Variants in PMFBP1 observed in about 807,000 individuals in gnomAD.
PMFBP1 encodes the protein polyamine modulated factor 1 binding protein 1, also known as polyamine-modulated factor 1-binding protein 1.
Under a neutral mutation model 137.8 loss-of-function variants are expected in PMFBP1, and 131 were observed. The ratio of observed to expected loss-of-function variants is 0.95; its 90% CI spans 0.82 to 1.10. PMFBP1 has a LOEUF of 1.10. Ranked by LOEUF, PMFBP1 falls within the 50% of genes least tolerant of loss-of-function variation. The probability of loss-of-function intolerance (pLI) is 0.00; values close to 1 mark genes in which losing one functional copy is unlikely to be tolerated. For synonymous variants in PMFBP1, 490 were observed against 450.4 expected, an observed-to-expected ratio of 1.09 and a Z score of -1.11; for missense variants, 1,199 against 1,175.4, an observed-to-expected ratio of 1.02 and a Z score of -0.29.
chr16:72,170,203 C>T (rs1440117059), intron 2 of PMFBP1, among the ~76,000 whole-genome samples: 2 of 151,010 alleles, frequency 1.3e-5, no homozygotes, highest in African/African-American at 4.9e-5. Context: ...GAAGAAAGAG[C>T]CTTCTAGAAA....
the PMFBP1 span, among the ~76,000 whole-genome samples, chr16:72,217,458 TG>T: frequency 5.3e-5 from 8 of 152,204 alleles, no homozygotes; most frequent in African/African-American, 1.9e-4. Flanking sequence ...TTTCAAACAC[TG>T]TAAGGATACT....
intron 7 of PMFBP1, among the ~76,000 whole-genome samples, chr16:72,137,590 T>A (rs983222248): frequency 6.6e-6 from 1 of 151,942 alleles, no homozygotes; most frequent in Non-Finnish European, 1.5e-5. Context: ...GGTGGGAACA[T>A]GGAGGAGGCA....
At chr16:72,186,593 A>C in the PMFBP1 span, among the ~76,000 whole-genome samples, 1 of 152,136 alleles carries the variant, frequency 6.6e-6, no homozygotes, top group Admixed American at 6.5e-5. Context: ...CTTCGTGTAC[A>C]TTAGCCTGAC....
the PMFBP1 span, among the ~76,000 whole-genome samples, chr16:72,246,948 C>G: frequency 6.6e-6 from 1 of 151,870 alleles, no homozygotes; most frequent in East Asian, 1.9e-4. Flanking sequence ...TGTTTGATAC[C>G]CTCCTACTGT....
At chr16:72,144,126 T>C (rs1297784492) in intron 5 of PMFBP1, among the ~76,000 whole-genome samples, 1 of 151,678 alleles carries the variant, frequency 6.6e-6, no homozygotes, top group Non-Finnish European at 1.5e-5. Flanking sequence ...GGAATAAACA[T>C]AGCAAGAAAT....
At chr16:72,199,108 C>T in the PMFBP1 span, among the ~76,000 whole-genome samples, 1 of 152,176 alleles carries the variant, frequency 6.6e-6, no homozygotes, top group Non-Finnish European at 1.5e-5. Flanking sequence ...GCATGCTTCC[C>T]GGGCTTAGCC....
chr16:72,118,766 G>T (rs112121953), downstream of PMFBP1, among the ~76,000 whole-genome samples: 1 of 147,080 alleles, frequency 6.8e-6, no homozygotes, highest in African/African-American at 2.5e-5. Context: ...TGGTGGGCGG[G>T]GGGGCAGGTG....
At position 72,128,684 on chromosome 16, in the gene PMFBP1, C is replaced by G. The variant is rs921369945; in HGVS notation, c.2061G>C (p.Gln687His). The G allele has an allele frequency of 6.2e-7, 1 of 1,614,178 alleles. No individual in the cohort carries two copies. Among genetic ancestry groups the G allele is most frequent in the African/African-American group, 1.3e-5 (1 of 75,040 alleles). ...ESSLNKYNTS[Q>H]QVIQDLNKEI... ...CTTTATTCAAGTCTTGGATGACTTG[C>G]TGGCTGGTGTTGTATTTGTTGAGAG... The change falls in exon 14 of 21, where the codon CAG becomes CAC. Residue 687 changes from glutamine to histidine, a missense_variant. Gln to His is a conservative substitution (Grantham distance 24, BLOSUM62 0). Coordinates refer to ENST00000237353, the MANE Select transcript of PMFBP1 (RefSeq NM_031293.3).
chr16:72,126,046 G>T lies in PMFBP1; in HGVS notation c.2175C>A (p.Thr725=). 1.9e-6 allele frequency: 3 copies of T among 1,614,212 alleles called. No individual in the cohort carries two copies. The highest frequency in any genetic ancestry group is 2.5e-6 in the Non-Finnish European group (3 of 1,180,026). The change falls in exon 15 of 21, where the codon ACC becomes ACA. Residue 725 remains threonine (T), a synonymous_variant. Coordinates refer to ENST00000237353, the MANE Select transcript of PMFBP1 (RefSeq NM_031293.3). ...LQKEKHYLQT[T]ITKEAYDALS... The stretch of plus-strand genomic sequence containing the variant: ...ATGCATCATAGGCTTCTTTGGTGAT[G>T]GTAGTCTGGAGATAGTGCTTCTCCT...
chr16:72,239,568 G>A, the PMFBP1 span, among the ~76,000 whole-genome samples: 1 of 151,978 alleles, frequency 6.6e-6, no homozygotes, highest in South Asian at 2.1e-4. Flanking sequence ...ATCATGTCTG[G>A]TTTATCATTA....
chr16:72,196,739 C>G, the PMFBP1 span, among the ~76,000 whole-genome samples: 2 of 152,126 alleles, frequency 1.3e-5, no homozygotes, highest in African/African-American at 4.8e-5. Flanking sequence ...GGACCACAAC[C>G]ATCAATCCAC....
chr16:72,206,724 G>A, the PMFBP1 span, among the ~76,000 whole-genome samples: 3 of 152,100 alleles, frequency 2.0e-5, no homozygotes, highest in South Asian at 2.1e-4. Flanking sequence ...GCTTCCCGGC[G>A]CACTGCTTTT....
At position 72,163,108 on chromosome 16, in the gene PMFBP1, G is replaced by A. The variant is rs183337014; in HGVS notation, c.165+1656C>T. 7.2e-5 allele frequency among the ~76,000 whole-genome samples: 11 copies of A among 152,364 alleles called. No individual in the cohort carries two copies. The East Asian group carries it at 2.1e-3, about 29-fold the overall frequency. On this transcript the variant is annotated intron_variant, in intron 3 of 20. Transcript: ENST00000237353. ...GGCCAGATCCTTGACCACAAACAGT[G>A]AAGAACACAGTGGCGGCTTCACAGC...
intron 3 of PMFBP1, among the ~76,000 whole-genome samples, chr16:72,158,357 C>T (rs1459784705): frequency 6.6e-6 from 1 of 152,164 alleles, no homozygotes; most frequent in Non-Finnish European, 1.5e-5. Context: ...CTATAATTGC[C>T]AGCATTTATA....
chr16:72,171,716 G>A (rs2043222867), intron 1 of PMFBP1: 1 of 153,066 alleles, frequency 6.5e-6, no homozygotes, highest in Admixed American at 6.5e-5. Flanking sequence ...GAGGCCCAGA[G>A]AGGCTAAGTG....
At chr16:72,219,531 A>G in the PMFBP1 span, among the ~76,000 whole-genome samples, 14 of 146,092 alleles carry the variant, frequency 9.6e-5, no homozygotes, top group Non-Finnish European at 2.1e-4. Flanking sequence ...TCTGGTGCCT[A>G]CGGGAGCTGC....
intron 5 of PMFBP1, among the ~76,000 whole-genome samples, chr16:72,147,814 C>T (rs1212307899): frequency 1.3e-5 from 2 of 152,114 alleles, no homozygotes; most frequent in Non-Finnish European, 2.9e-5. Context: ...GTCAAAACCA[C>T]AATGAGATAC....
the PMFBP1 span, among the ~76,000 whole-genome samples, chr16:72,223,109 G>A: frequency 6.6e-6 from 1 of 152,142 alleles, no homozygotes; most frequent in Non-Finnish European, 1.5e-5. Context: ...CAAGAACTGG[G>A]GGGAAGTTTT....
the PMFBP1 span, among the ~76,000 whole-genome samples, chr16:72,229,326 G>A: frequency 6.6e-6 from 1 of 152,186 alleles, no homozygotes; most frequent in Non-Finnish European, 1.5e-5. Flanking sequence ...AAGTGTGCAT[G>A]TGTCTTTATG....
Sources: gnomAD v4.1 joint callset for allele counts (sites outside exome capture counted in the v4.1 genomes callset) on GRCh38, gnomAD v4.1.1 for gene constraint, MANE v1.5 for transcripts, NCBI Gene and HGNC (gene_info 2026-07-23, HGNC 2026-07-21) for gene names.